The following ACSL1 variants were observed in gnomAD, a reference collection of about 807,000 sequenced individuals.
The protein encoded by ACSL1 is long-chain-fatty-acid--CoA ligase 1.
Under a neutral mutation model 98.4 loss-of-function variants are expected in ACSL1, and 41 were observed. The observed-to-expected ratio is 0.42, with a 90% CI of 0.32 to 0.54. ACSL1 has a LOEUF of 0.54. Among genes scored for constraint, ACSL1 ranks in the 20% least tolerant of loss-of-function variants. The pLI is 0.13. For missense variants in ACSL1, 734 were observed against 883.1 expected (o/e 0.83, Z 2.14); for synonymous variants, 316 against 322.7 (o/e 0.98, Z 0.22).
intron 1 of ACSL1, among the ~76,000 whole-genome samples, chr4:184,819,725 G>A (rs963547361): frequency 2.0e-5 from 3 of 152,096 alleles, no homozygotes; most frequent in South Asian, 2.1e-4. Flanking sequence ...GACAGGCAAG[G>A]TAAGTAAACA....
chr4:184,795,946 G>C (rs1769281395), intron 2 of ACSL1, among the ~76,000 whole-genome samples: 1 of 152,186 alleles, frequency 6.6e-6, no homozygotes, highest in African/African-American at 2.4e-5. Flanking sequence ...CTCCATCCCA[G>C]CTATGCTGGT....
intron 1 of ACSL1, among the ~76,000 whole-genome samples, chr4:184,816,367 C>T (rs976715717): frequency 2.0e-5 from 3 of 151,946 alleles, no homozygotes; most frequent in Non-Finnish European, 2.9e-5. Flanking sequence ...GAGACATGAG[C>T]TAAAATTACA....
chr4:184,798,014 A>G (rs929738499), intron 2 of ACSL1, among the ~76,000 whole-genome samples: 2 of 152,156 alleles, frequency 1.3e-5, no homozygotes, highest in East Asian at 1.9e-4. Flanking sequence ...ACAAATTTCA[A>G]TCTCTCATGC....
chr4:184,774,843 C>T (rs1364977022), intron 7 of ACSL1, among the ~76,000 whole-genome samples: 4 of 152,000 alleles, frequency 2.6e-5, no homozygotes, highest in East Asian at 1.9e-4. Flanking sequence ...GACAGACCAC[C>T]GATTAAGAAC....
At chr4:184,783,677 T>C (rs1766711199) in intron 4 of ACSL1, among the ~76,000 whole-genome samples, 1 of 152,226 alleles carries the variant, frequency 6.6e-6, no homozygotes, top group Non-Finnish European at 1.5e-5. Context: ...TCTTAAAAAT[T>C]ATACTTGACT....
Position 184,755,788 on chromosome 4 carries a change from C to CAA in ACSL1, c.*1335_*1336dup, listed in dbSNP as rs996122012. 6.6e-6 allele frequency: 1 copy of CAA among 152,606 alleles called. No individual in the cohort carries two copies. Among genetic ancestry groups the CAA allele is most frequent in the Admixed American group, 6.5e-5 (1 of 15,278 alleles). 9.5% of individuals were successfully genotyped at this position (152,606 alleles called of 1,614,324 possible). ...CTACCAAGTAGTGTTATTACAATGA[C>CAA]AATTCTTTAGTGCAAGCCCTGTTGT... On this transcript the variant is annotated 3_prime_UTR_variant, in exon 21 of 21. Transcript: ENST00000281455.
intron 12 of ACSL1, among the ~76,000 whole-genome samples, chr4:184,767,694 A>C (rs1331117431): frequency 6.6e-6 from 1 of 152,244 alleles, no homozygotes; most frequent in Non-Finnish European, 1.5e-5. Context: ...TTAAAAACAT[A>C]AGAACGTTCT....
In ACSL1 at chr4:184,800,826, T is replaced by A. The variant is rs1770374589; in HGVS notation, c.195+2494A>T. ...AGGTCTTCATTAGAGGTGACCAGCA[T>A]GAGTGTTAACCTCCTCTTTACAACC... On this transcript the variant is annotated intron_variant, in intron 2 of 20. Coordinates refer to ENST00000281455, the MANE Select transcript of ACSL1 (RefSeq NM_001995.5). Among the ~76,000 whole-genome samples, 5 of 152,356 alleles carry A rather than the reference T, an allele frequency of 3.3e-5. 1 individual carries two copies. The South Asian group carries it at 1.0e-3, about 32-fold the overall frequency.
intron 1 of ACSL1, among the ~76,000 whole-genome samples, chr4:184,818,385 G>A (rs774725522): frequency 5.3e-5 from 8 of 152,262 alleles, no homozygotes; most frequent in Admixed American, 2.6e-4. Context: ...GAAACTACAC[G>A]GAAAGAAACA....
At position 184,776,467 on chromosome 4, in the gene ACSL1, G is replaced by A; in HGVS notation, c.756+17C>T. On this transcript the variant is annotated intron_variant, in intron 7 of 20. Coordinates refer to ENST00000281455, the MANE Select transcript of ACSL1 (RefSeq NM_001995.5). ...CAGGGAAAGCCTTCAGAGAAGGGAA[G>A]GAGGCAGGGCACTCACCTCCATCGC... is the stretch of plus-strand genomic sequence containing the variant. 1 of 1,605,334 alleles carries A rather than the reference G, an allele frequency of 6.2e-7. No individual in the cohort carries two copies. Among genetic ancestry groups the A allele is most frequent in the Non-Finnish European group, 8.5e-7 (1 of 1,176,304 alleles).
chr4:184,757,497 C>T lies in ACSL1; in HGVS notation c.1956+138G>A. On this transcript the variant is annotated intron_variant, in intron 20 of 20. Coordinates refer to ENST00000281455, the MANE Select transcript of ACSL1 (RefSeq NM_001995.5). This position sits in a 1 kb window ranked among gnomAD's most constrained non-coding sequence, Gnocchi z 4.5. ...AAATGCTTTTGATTTAAAAACCTTT[C>T]CCCTGTCAAACTACTCCATTATTTA... is the stretch of plus-strand genomic sequence containing the variant. 2.0e-6 allele frequency: 2 copies of T among 982,230 alleles called. No individual in the cohort carries two copies. Among genetic ancestry groups the T allele is most frequent in the East Asian group, 4.8e-5 (2 of 41,692 alleles). 60.8% of individuals were successfully genotyped at this position (982,230 alleles called of 1,614,324 possible).
chr4:184,764,763 T>C, intron 15 of ACSL1, 90 bp downstream of exon 15: 2 of 1,166,114 alleles, frequency 1.7e-6, no homozygotes, highest in Non-Finnish European at 2.4e-6. Context: ...AGATGGTTAA[T>C]GAACCAGTCA....
At chr4:184,767,650 T>C (rs532367846) in intron 12 of ACSL1, among the ~76,000 whole-genome samples, 1 of 152,366 alleles carries the variant, frequency 6.6e-6, no homozygotes, top group South Asian at 2.1e-4. Flanking sequence ...CAGAGTATTA[T>C]ATGTTGATAA....
chr4:184,762,990 C>T (rs1344933383), intron 16 of ACSL1, among the ~76,000 whole-genome samples, 177 bp downstream of exon 16: 2 of 152,212 alleles, frequency 1.3e-5, no homozygotes, highest in African/African-American at 4.8e-5. Flanking sequence ...CTCCTGCCCA[C>T]TCCCCGAGAG....
chr4:184,762,911 C>T (rs1371694899), intron 16 of ACSL1, among the ~76,000 whole-genome samples: 1 of 152,234 alleles, frequency 6.6e-6, no homozygotes, highest in Non-Finnish European at 1.5e-5. Flanking sequence ...GGCCACCGGG[C>T]CTTTCTTTGC....
At chr4:184,811,854 T>C (rs1380642084) in intron 1 of ACSL1, among the ~76,000 whole-genome samples, 1 of 152,182 alleles carries the variant, frequency 6.6e-6, no homozygotes, top group African/African-American at 2.4e-5. Context: ...AGTTTAATTA[T>C]TTTTAAAAAT....
intron 1 of ACSL1, among the ~76,000 whole-genome samples, chr4:184,819,206 G>A (rs569394008): frequency 2.7e-5 from 4 of 149,012 alleles, no homozygotes; most frequent in South Asian, 2.1e-4. Flanking sequence ...GCAATGGCAC[G>A]ATCTTGGCTC....
chr4:184,766,064 T>G lies in ACSL1; in HGVS notation c.1264-78A>C. 1 of 1,390,866 alleles carries G rather than the reference T, an allele frequency of 7.2e-7. No individual in the cohort carries two copies. The highest frequency in any genetic ancestry group is 1.0e-6 in the Non-Finnish European group (1 of 991,474). The allele number at this position is 1,390,866 out of a possible 1,614,324, so 86.2% of individuals were successfully genotyped here. A position where few individuals can be genotyped will look rare whatever the true frequency, so the allele number is the denominator to read the frequency against. On this transcript the variant is annotated intron_variant, in intron 13 of 20. Transcript: ENST00000281455. This position sits in a 1 kb window ranked among gnomAD's most constrained non-coding sequence, Gnocchi z 4.8. ...CGGCCTCTCCGCCAAGGGGGCCTGCTTGGGACCCCGTTCCCTAACCCATAG... is the reference window on the plus strand; with the variant it reads ...CGGCCTCTCCGCCAAGGGGGCCTGCGTGGGACCCCGTTCCCTAACCCATAG...
chr4:184,812,259 C>T (rs766198858), intron 1 of ACSL1: 24 of 984,018 alleles, frequency 2.4e-5, no homozygotes, highest in Admixed American at 6.2e-5. Context: ...AACACAGTCC[C>T]GAGCCAAGGA....
Sources: allele counts gnomAD v4.1 joint callset (sites outside exome capture counted in the v4.1 genomes callset), GRCh38; gene constraint gnomAD v4.1.1; non-coding constraint Gnocchi (gnomAD v3.1); transcripts MANE v1.5; gene names NCBI Gene and HGNC (gene_info 2026-07-23, HGNC 2026-07-21).